The following RANBP17 variants were observed in gnomAD, a reference collection of about 807,000 sequenced individuals.
RANBP17 encodes the protein ran-binding protein 17.
RANBP17 carries 158 observed loss-of-function variants against 141.2 expected under a neutral mutation model. That is an observed-to-expected ratio of 1.12 (90% CI 0.98 to 1.28). The LOEUF (loss-of-function observed/expected upper bound fraction) is 1.28. RANBP17 is among the 50% of genes most tolerant of loss of function. The pLI, the probability that RANBP17 is intolerant of heterozygous loss-of-function variation, is 0.00. For missense variants in RANBP17, 1,438 were observed against 1,290.7 expected, an observed-to-expected ratio of 1.11 and a Z score of -1.75; for synonymous variants, 430 against 450.0, an observed-to-expected ratio of 0.96 and a Z score of 0.56.
intron 22 of RANBP17, among the ~76,000 whole-genome samples, chr5:171,226,031 G>A (rs1279036310): frequency 6.6e-6 from 1 of 152,120 alleles, no homozygotes; most frequent in Non-Finnish European, 1.5e-5. Context: ...TTTTCTACTA[G>A]CCCAAGCCTA....
rs1777948888 is a variant in RANBP17 at position 170,984,037 on chromosome 5, T to G, written c.1710+15660T>G. 2.0e-5 allele frequency among the ~76,000 whole-genome samples: 3 copies of G among 152,258 alleles called. No homozygotes were observed. In the East Asian group the frequency reaches 5.8e-4, roughly 29 times the overall value. On this transcript the variant is annotated intron_variant, in intron 14 of 27. Transcript: ENST00000523189. The stretch of plus-strand genomic sequence containing the variant: ...CCAGTGAGCATTACAGAGCCTAACA[T>G]TAGATTTTCAGCAAATACTGAATAA...
chr5:170,927,605 CA>C (rs1267425791), intron 12 of RANBP17, among the ~76,000 whole-genome samples: 1 of 151,774 alleles, frequency 6.6e-6, no homozygotes, highest in Non-Finnish European at 1.5e-5. Context: ...GAGCTTTTTA[CA>C]GTTAGGAAAG....
At chr5:171,191,201 G>A (rs1047013925) in intron 18 of RANBP17, among the ~76,000 whole-genome samples, 6 of 152,044 alleles carry the variant, frequency 3.9e-5, no homozygotes, top group African/African-American at 7.2e-5. Context: ...TGAATAACAA[G>A]GGAAGAGTAT....
At chr5:171,217,527 A>C (rs1763289424) in intron 21 of RANBP17, among the ~76,000 whole-genome samples, 1 of 151,724 alleles carries the variant, frequency 6.6e-6, no homozygotes, top group Non-Finnish European at 1.5e-5. Context: ...TTGGCTGTGA[A>C]TCTGTCTGGG....
Position 171,205,620 on chromosome 5 carries a change from T to A in RANBP17, c.2231+8T>A. ...CATGCTGTTTGACTGGATGTATCCT[T>A]ATTACACTGTGACAATACCAGCTCT... On this transcript the variant is annotated splice_region_variant and intron_variant, in intron 20 of 27. Transcript: ENST00000523189. 6.2e-7 allele frequency: 1 copy of A among 1,606,638 alleles called. No individual in the cohort carries two copies. The highest frequency in any genetic ancestry group is 8.5e-7 in the Non-Finnish European group (1 of 1,173,296).
chr5:171,222,838 A>G (rs1309951022), intron 22 of RANBP17, among the ~76,000 whole-genome samples: 2 of 152,154 alleles, frequency 1.3e-5, no homozygotes, highest in African/African-American at 4.8e-5. Context: ...CTTGTTGGCC[A>G]GGCTGGTCTT....
chr5:170,960,574 G>C lies in RANBP17; in HGVS notation c.1574+6872G>C, dbSNP rs138998786. On this transcript the variant is annotated intron_variant, in intron 13 of 27. Transcript: ENST00000523189. The stretch of plus-strand genomic sequence containing the variant: ...CAAGTCCTGTCAGTTCTATCTTTTA[G>C]TTACCTCAGTTAGTCCACCTATCCT... 4.1e-3 allele frequency among the ~76,000 whole-genome samples: 620 copies of C among 152,122 alleles called. 5 individuals are homozygous for C. Among genetic ancestry groups the C allele is most frequent in the African/African-American group, 0.014 (598 of 41,492 alleles).
intron 14 of RANBP17, among the ~76,000 whole-genome samples, chr5:171,078,976 A>G (rs548875674): frequency 1.2e-4 from 18 of 152,324 alleles, no homozygotes; most frequent in Admixed American, 3.9e-4. Context: ...CAGCTGCCAT[A>G]GATAGTGATT....
intron 12 of RANBP17, among the ~76,000 whole-genome samples, chr5:170,951,364 A>T (rs1253153651): frequency 6.6e-6 from 1 of 152,162 alleles, no homozygotes; most frequent in Non-Finnish European, 1.5e-5. Context: ...TGGTGTATCA[A>T]TAAAAATAAA....
In RANBP17 at chr5:171,282,454, ATGTTGTTGTTGTTGTTGT is replaced by A. The variant is rs11269694; in HGVS notation, c.2944-11400_2944-11383del. Among the ~76,000 whole-genome samples, 211 of 149,564 alleles carry A rather than the reference ATGTTGTTGTTGTTGTTGT, an allele frequency of 1.4e-3. 9 individuals are homozygous for A. The South Asian group carries it at 0.04, about 29-fold the overall frequency. On this transcript the variant is annotated intron_variant, in intron 25 of 27. Transcript: ENST00000523189. ...AATCCTAGAAAAGGAAGAAAGCTGC[ATGTTGTTGTTGTTGTTGT>A]TGTTGTTGTTGTTGTTGTTGTTGTT... is the stretch of plus-strand genomic sequence containing the variant.
chr5:171,153,143 G>A (rs547205695), intron 14 of RANBP17, among the ~76,000 whole-genome samples: 82 of 152,266 alleles, frequency 5.4e-4, no homozygotes, highest in Middle Eastern at 3.4e-3. Context: ...TGATTGATTG[G>A]ATATTGATTA....
At chr5:170,936,608 C>CT (rs1773899373) in intron 12 of RANBP17, among the ~76,000 whole-genome samples, 1 of 152,098 alleles carries the variant, frequency 6.6e-6, no homozygotes, top group South Asian at 2.1e-4. Context: ...TGATTTCAGT[C>CT]TTTCTAAATT....
chr5:171,258,105 T>TA (rs1214285797), intron 24 of RANBP17, among the ~76,000 whole-genome samples: 6 of 119,202 alleles, frequency 5.0e-5, no homozygotes, highest in East Asian at 4.9e-4. Flanking sequence ...AAACTCCATC[T>TA]AAAAAAAAAA....
intron 14 of RANBP17, among the ~76,000 whole-genome samples, chr5:171,151,141 G>A (rs1423843375): frequency 2.6e-5 from 4 of 152,194 alleles, no homozygotes. Flanking sequence ...ACCCAGAAAT[G>A]TGATCTGTGC....
chr5:171,096,539 T>G (rs2441017), intron 14 of RANBP17, among the ~76,000 whole-genome samples: 91,170 of 152,026 alleles, frequency 0.6, 29,131 homozygotes, highest in South Asian at 0.88. Context: ...TGTGCAAATT[T>G]GATTGTTGTT....
At chr5:170,968,802 T>C (rs1776781479) in intron 14 of RANBP17, 1 of 447,550 alleles carries the variant, frequency 2.2e-6, no homozygotes, top group African/African-American at 2.0e-5. Flanking sequence ...CTAGGAAAAT[T>C]AGATGTGTCC....
intron 12 of RANBP17, among the ~76,000 whole-genome samples, chr5:170,939,423 C>G (rs1333774334): frequency 1.3e-5 from 2 of 151,764 alleles, no homozygotes; most frequent in African/African-American, 4.8e-5. Flanking sequence ...CTTGCCCTGT[C>G]AACCAGGCTG....
intron 5 of RANBP17, among the ~76,000 whole-genome samples, chr5:170,907,052 G>T (rs1307305450): frequency 6.6e-6 from 1 of 151,830 alleles, no homozygotes; most frequent in African/African-American, 2.4e-5. Flanking sequence ...ATGCATGAGG[G>T]TAATTAAATA....
intron 14 of RANBP17, among the ~76,000 whole-genome samples, chr5:171,143,899 C>A (rs537700076): frequency 6.6e-6 from 1 of 152,038 alleles, no homozygotes; most frequent in Non-Finnish European, 1.5e-5. Flanking sequence ...GAAAGCCATG[C>A]GAGTATTACA....
Sources: allele counts gnomAD v4.1 joint callset (sites outside exome capture counted in the v4.1 genomes callset), GRCh38; gene constraint gnomAD v4.1.1; transcripts MANE v1.5; gene names NCBI Gene and HGNC (gene_info 2026-07-23, HGNC 2026-07-21).